Variants in PLEKHA6 observed in about 807,000 individuals in gnomAD.
The protein encoded by PLEKHA6 is pleckstrin homology domain containing A6.
In PLEKHA6, 60 loss-of-function variants were observed where a neutral mutation model predicts 116.7. The ratio of observed to expected loss-of-function variants is 0.51; its 90% confidence interval spans 0.42 to 0.64. The LOEUF (loss-of-function observed/expected upper bound fraction) is 0.64. PLEKHA6 is among the 30% of genes least tolerant of loss of function. The pLI is 0.00. For synonymous variants in PLEKHA6, 489 were observed against 556.1 expected, an observed-to-expected ratio of 0.88 and a Z score of 1.70; for missense variants, 1,338 against 1,422.7, an observed-to-expected ratio of 0.94 and a Z score of 0.96.
intron 3 of PLEKHA6, among the ~76,000 whole-genome samples, chr1:204,268,687 T>C (rs1157054783): frequency 6.6e-6 from 1 of 151,774 alleles, no homozygotes; most frequent in Non-Finnish European, 1.5e-5. Flanking sequence ...TTCTGGAAGT[T>C]AACTCCCTGC....
At chr1:204,376,942 C>T (rs941291491) in intron 1 of PLEKHA6, among the ~76,000 whole-genome samples, 3 of 152,188 alleles carry the variant, frequency 2.0e-5, no homozygotes, top group African/African-American at 7.2e-5. Flanking sequence ...GAGATTATGC[C>T]AGAGCCACTT....
chr1:204,313,833 T>TC, intron 1 of PLEKHA6: 1 of 291,472 alleles, frequency 3.4e-6, no homozygotes, highest in South Asian at 1.3e-4. Flanking sequence ...ACAGAGCATC[T>TC]CCCCGGGGAT....
intron 21 of PLEKHA6, among the ~76,000 whole-genome samples, chr1:204,226,892 C>T (rs12026655): frequency 0.4 from 61,132 of 152,124 alleles, 12,499 homozygotes; most frequent in East Asian, 0.5. Context: ...AGCAACACAG[C>T]GCTACTGCTA....
intron 1 of PLEKHA6, among the ~76,000 whole-genome samples, chr1:204,328,840 A>G (rs1672345692): frequency 6.6e-6 from 1 of 152,182 alleles, no homozygotes; most frequent in Non-Finnish European, 1.5e-5. Context: ...CACTGTGCTG[A>G]GCTCTTTGTT....
intron 1 of PLEKHA6, among the ~76,000 whole-genome samples, chr1:204,292,535 A>G (rs1669876930): frequency 6.6e-6 from 1 of 150,986 alleles, no homozygotes; most frequent in Non-Finnish European, 1.5e-5. Context: ...GCTGACGCCC[A>G]CCTATGTCCC....
intron 1 of PLEKHA6, among the ~76,000 whole-genome samples, chr1:204,352,109 C>T (rs957049570): frequency 6.6e-6 from 1 of 151,410 alleles, no homozygotes; most frequent in Non-Finnish European, 1.5e-5. Flanking sequence ...TGTGGTGGCT[C>T]ACACCTGTAA....
intron 1 of PLEKHA6, among the ~76,000 whole-genome samples, chr1:204,328,395 C>A (rs12758962): frequency 0.059 from 8,370 of 141,682 alleles, 367 homozygotes; most frequent in Non-Finnish European, 0.088. Context: ...AGTCAATTTT[C>A]TTTCTTTTTT....
intron 1 of PLEKHA6, among the ~76,000 whole-genome samples, chr1:204,294,917 A>G (rs1241005398): frequency 6.6e-6 from 1 of 152,260 alleles, no homozygotes; most frequent in African/African-American, 2.4e-5. Flanking sequence ...ATTTATCCTT[A>G]GGAGACAGTG....
chr1:204,264,986 C>T lies in PLEKHA6; in HGVS notation c.337G>A (p.Ala113Thr), dbSNP rs779272528. Reference sequence around the variant, plus strand: ...CTGATGTTGTCTGAGGGCTGCACTGCGGCTACCCGGAAGCTCAGGAGGGGG... The same window carrying T: ...CTGATGTTGTCTGAGGGCTGCACTGTGGCTACCCGGAAGCTCAGGAGGGGG... ...SIPLLSFRVA[A>T]VQPSDNISRK... Residue 113 changes from alanine to threonine, a missense_variant, in exon 6 of 23, where the codon GCA becomes ACA. This residue lies in a region of PLEKHA6 where 140 missense variants were observed against 197.4 expected (regional missense o/e 0.71). Coordinates refer to ENST00000272203, the MANE Select transcript of PLEKHA6 (RefSeq NM_014935.5). 1.7e-5 allele frequency: 28 copies of T among 1,614,086 alleles called. No homozygotes were observed. The highest frequency in any genetic ancestry group is 2.2e-5 in the Non-Finnish European group (26 of 1,179,958).
intron 1 of PLEKHA6, among the ~76,000 whole-genome samples, chr1:204,321,082 A>G (rs1417963472): frequency 6.6e-6 from 1 of 152,116 alleles, no homozygotes; most frequent in African/African-American, 2.4e-5. Context: ...TTCGGGTCAG[A>G]ATATGGAATA....
intron 9 of PLEKHA6, chr1:204,256,987 C>A: frequency 1.7e-6 from 1 of 584,960 alleles, no homozygotes; most frequent in Non-Finnish European, 3.0e-6. Context: ...GTTCAGTTCC[C>A]AGAGCAGATC....
chr1:204,287,085 A>T (rs1669270808), intron 1 of PLEKHA6, among the ~76,000 whole-genome samples: 1 of 152,090 alleles, frequency 6.6e-6, no homozygotes, highest in Non-Finnish European at 1.5e-5. Context: ...GGCTCTCCAG[A>T]GCCCCGAGTT....
At chr1:204,357,645 G>A (rs1426919810) in intron 1 of PLEKHA6, among the ~76,000 whole-genome samples, 1 of 152,214 alleles carries the variant, frequency 6.6e-6, no homozygotes, top group African/African-American at 2.4e-5. Flanking sequence ...CCATGGGTGC[G>A]CCAAGACCAG....
intron 1 of PLEKHA6, chr1:204,282,741 A>G: frequency 5.1e-6 from 5 of 985,250 alleles, no homozygotes; most frequent in Non-Finnish European, 6.0e-6. Context: ...CCTGACCCAA[A>G]TTGGAGAACT....
intron 3 of PLEKHA6, among the ~76,000 whole-genome samples, chr1:204,271,657 A>T (rs1185679834): frequency 6.6e-6 from 1 of 152,100 alleles, no homozygotes; most frequent in Non-Finnish European, 1.5e-5. Context: ...ACTCCTGAAT[A>T]TCCTGGCCTC....
Position 204,241,685 on chromosome 1 carries a change from C to T in PLEKHA6, c.2302G>A (p.Val768Ile). 1 of 1,589,082 alleles carries T rather than the reference C, an allele frequency of 6.3e-7. No homozygotes were observed. The highest frequency in any genetic ancestry group is 8.6e-7 in the Non-Finnish European group (1 of 1,169,506). Reference sequence around the variant, plus strand: ...TAGGGGAAGATGGGACAGAAAGTACCTTTGTTGAGAGCTGCCTGCTTCTCT... The same window carrying T: ...TAGGGGAAGATGGGACAGAAAGTACTTTTGTTGAGAGCTGCCTGCTTCTCT... ...EAEKQAALNK[V>I]GVVPPRTKSP... The change falls in exon 16 of 23, where the codon GTT (valine) becomes ATT (isoleucine). Residue 768 changes from valine (V) to isoleucine (I), a missense_variant and splice_region_variant. By Grantham distance (29) the Val-to-Ile change is conservative. Around this residue, in one of 3 missense-constraint regions of PLEKHA6, gnomAD observed 1,136 missense variants for 1,163.6 expected, o/e 0.98. Coordinates refer to ENST00000272203, the MANE Select transcript of PLEKHA6 (RefSeq NM_014935.5).
intron 8 of PLEKHA6, among the ~76,000 whole-genome samples, chr1:204,258,933 A>G (rs1172077294): frequency 6.6e-6 from 1 of 152,210 alleles, no homozygotes; most frequent in Non-Finnish European, 1.5e-5. Flanking sequence ...ATGTATGACT[A>G]TAACAACTTC....
intron 1 of PLEKHA6, among the ~76,000 whole-genome samples, chr1:204,297,576 A>T (rs1474393825): frequency 4.0e-5 from 6 of 150,940 alleles, no homozygotes; most frequent in Non-Finnish European, 1.5e-5. Context: ...TGGACAAGTT[A>T]TTCAATCTCT....
intron 10 of PLEKHA6, among the ~76,000 whole-genome samples, chr1:204,249,610 C>T (rs529963899): frequency 2.0e-5 from 3 of 152,204 alleles, no homozygotes; most frequent in South Asian, 2.1e-4. Context: ...AGAGGTGGGC[C>T]GGGTGTCAGA....
Sources: allele counts gnomAD v4.1 joint callset (sites outside exome capture counted in the v4.1 genomes callset), GRCh38; gene constraint gnomAD v4.1.1; regional missense constraint gnomAD v4.1.1; transcripts MANE v1.5; gene names NCBI Gene and HGNC (gene_info 2026-07-23, HGNC 2026-07-21).